The following ACAD9 variants were observed in gnomAD, a reference collection of about 807,000 sequenced individuals.
ACAD9 encodes acyl-CoA dehydrogenase family member 9, also known as complex I assembly factor ACAD9, mitochondrial.
ACAD9 carries 53 observed loss-of-function variants against 70.2 expected under a neutral mutation model. That is an observed-to-expected ratio of 0.75 (90% confidence interval 0.61 to 0.95). The LOEUF is 0.95. ACAD9 is among the 40% of genes least tolerant of loss of function. The probability of loss-of-function intolerance (pLI) is 0.00; values close to 1 mark genes in which losing one functional copy is unlikely to be tolerated. For missense variants in ACAD9, 777 were observed against 802.8 expected (o/e 0.97, Z 0.39); for synonymous variants, 313 against 312.1 (o/e 1.00, Z -0.03).
rs778698225 is a variant in ACAD9, at chr3:128,909,049, G to A, written c.1435G>A (p.Val479Met). The A allele has an allele frequency of 6.2e-6, 10 of 1,614,148 alleles. No individual in the cohort carries two copies. The highest frequency in any genetic ancestry group is 4.4e-5 in the South Asian group (4 of 91,092). Residue 479 changes from valine (V) to methionine (M), a missense_variant, in exon 14 of 18, where the codon GTG becomes ATG. Val to Met is a conservative substitution (Grantham distance 21, BLOSUM62 1). Coordinates refer to ENST00000308982, the MANE Select transcript of ACAD9 (RefSeq NM_014049.5). ...RRLRDSLGRTVDLGLTGNHGV... is the reference protein window; with the variant it reads ...RRLRDSLGRTMDLGLTGNHGV... ...GCTTCGGGACTCCCTGGGCCGAACT[G>A]TGGACCTGGGGCTGACAGGCAACCA...
Position 128,913,052 on chromosome 3 carries a change from T to C in ACAD9, c.*445T>C, listed in dbSNP as rs1391307277. ...TCATTTAAACTAGAAGCAGAGGCAC[T>C]TAAAACATGTACCAGGAACCATTTA... On this transcript the variant is annotated 3_prime_UTR_variant, in exon 18 of 18. Transcript: ENST00000308982. The C allele has an allele frequency of 4.4e-6, 2 of 455,634 alleles. No individual in the cohort carries two copies. The highest frequency in any genetic ancestry group is 4.0e-5 in the African/African-American group (2 of 50,076). The allele number at this position is 455,634 out of a possible 1,614,324, so 28.2% of individuals were successfully genotyped here. A position where few individuals can be genotyped will look rare whatever the true frequency, so the allele number is the denominator to read the frequency against.
intron 17 of ACAD9, among the ~76,000 whole-genome samples, chr3:128,911,880 AG>A (rs1936366874): frequency 6.6e-6 from 1 of 152,178 alleles, no homozygotes; most frequent in Non-Finnish European, 1.5e-5. Context: ...TGCCCTGCAG[AG>A]GTCTCAGGCC....
At chr3:128,909,956 G>A in intron 15 of ACAD9, 65 bp from the exon 16 acceptor site, 1 of 1,597,412 alleles carries the variant, frequency 6.3e-7, no homozygotes, top group Non-Finnish European at 8.5e-7. Context: ...ATGCAGCCCA[G>A]GGAGGGACCA....
Position 128,880,598 on chromosome 3 carries a change from C to CA in ACAD9, c.150+759dup. ...AGAGACGGGGTTTCACCATGTTGGC[C>CA]AAGCTGGTCTAGAACTGACCTCGGG... On this transcript the variant is annotated intron_variant, in intron 1 of 17. Coordinates refer to ENST00000308982, the MANE Select transcript of ACAD9 (RefSeq NM_014049.5). Among the ~76,000 whole-genome samples, 3 of 151,922 alleles carry CA rather than the reference C, an allele frequency of 2.0e-5. No homozygotes were observed. In the Middle Eastern group the frequency reaches 0.01, roughly 517 times the overall value.
At chr3:128,912,155 G>T (rs1234134937) in intron 17 of ACAD9, among the ~76,000 whole-genome samples, 3 of 152,308 alleles carry the variant, frequency 2.0e-5, no homozygotes, top group South Asian at 2.1e-4. Context: ...GGGTAGCCCA[G>T]ACACCCCCCC....
At chr3:128,909,663 A>T (rs1349214425) in intron 15 of ACAD9, 1 of 608,880 alleles carries the variant, frequency 1.6e-6, no homozygotes, top group African/African-American at 1.8e-5. Context: ...TTTCAGGTAG[A>T]GAGGCTCCCT....
At chr3:128,909,243 C>G in intron 14 of ACAD9, 101 bp from the exon 15 acceptor site, 4 of 1,596,950 alleles carry the variant, frequency 2.5e-6, no homozygotes, top group Non-Finnish European at 3.4e-6. Flanking sequence ...CCCTGGATTG[C>G]TTCCCCCAGA....
rs1935769149 is a variant in ACAD9 at position 128,902,479 on chromosome 3, C to G, written c.883-74C>G. 8 of 1,486,842 alleles carry G rather than the reference C, an allele frequency of 5.4e-6. No individual in the cohort carries two copies. The highest frequency in any genetic ancestry group is 3.4e-5 in the South Asian group (3 of 88,368). 92.1% of individuals were successfully genotyped at this position (1,486,842 alleles called of 1,614,324 possible). A position where few individuals can be genotyped will look rare whatever the true frequency, so the allele number is the denominator to read the frequency against. On this transcript the variant is annotated intron_variant, in intron 8 of 17. Transcript: ENST00000308982. This position sits in a 1 kb window ranked among gnomAD's most constrained non-coding sequence, Gnocchi z 4.0. The stretch of plus-strand genomic sequence containing the variant: ...CTTGAGGGAAGGCAAGCTGATCCAC[C>G]TGGCCTGGTTTCGTTGCGGCCTCCT...
chr3:128,906,329 G>A, intron 12 of ACAD9, 80 bp downstream of exon 12: 1 of 1,586,358 alleles, frequency 6.3e-7, no homozygotes, highest in Non-Finnish European at 8.5e-7. Flanking sequence ...GGGCCTCGCA[G>A]AGGCCCCCGC....
At chr3:128,894,519 C>A (rs1441642100) in intron 3 of ACAD9, among the ~76,000 whole-genome samples, 2 of 150,460 alleles carry the variant, frequency 1.3e-5, no homozygotes, top group African/African-American at 4.9e-5. Flanking sequence ...CTTTCTGAGG[C>A]ACAAGATTGC....
chr3:128,883,519 G>A (rs184008696), intron 1 of ACAD9, among the ~76,000 whole-genome samples: 23 of 152,090 alleles, frequency 1.5e-4, no homozygotes, highest in African/African-American at 4.1e-4. Flanking sequence ...TACCAAGCCC[G>A]TGTAATTTTT....
chr3:128,896,648 A>T, intron 5 of ACAD9, 112 bp downstream of exon 5: 1 of 1,057,144 alleles, frequency 9.5e-7, no homozygotes, highest in Non-Finnish European at 1.4e-6. Flanking sequence ...TCTTTCCAAA[A>T]TCTTGCAAAG....
chr3:128,908,741 G>A (rs1156451909), intron 13 of ACAD9: 3 of 617,352 alleles, frequency 4.9e-6, no homozygotes, highest in Admixed American at 2.8e-5. Context: ...CAGCTGCTGG[G>A]AAGCTGGCTG....
intron 2 of ACAD9, among the ~76,000 whole-genome samples, chr3:128,886,910 A>G (rs1362713602): frequency 1.4e-5 from 2 of 147,512 alleles, no homozygotes; most frequent in Non-Finnish European, 3.0e-5. Context: ...GTCTTTTTTT[A>G]TAATCTTCAG....
At chr3:128,897,569 C>T (rs1219284876) in intron 5 of ACAD9, 63 bp from the exon 6 acceptor site, 13 of 1,497,462 alleles carry the variant, frequency 8.7e-6, no homozygotes, top group Non-Finnish European at 1.1e-5. Context: ...ATTTTCAGGC[C>T]CTCAAAAGCA....
At chr3:128,903,310 C>T (rs1362626020) in intron 9 of ACAD9, among the ~76,000 whole-genome samples, 1 of 152,192 alleles carries the variant, frequency 6.6e-6, no homozygotes, top group African/African-American at 2.4e-5. Flanking sequence ...GATGAGAAGA[C>T]AGAGACTCAG....
intron 6 of ACAD9, 36 bp downstream of exon 6, chr3:128,897,746 A>C: frequency 4.4e-6 from 7 of 1,586,774 alleles, no homozygotes; most frequent in Non-Finnish European, 6.0e-6. Flanking sequence ...TTAGGGTCTC[A>C]GTCACAACCT....
intron 10 of ACAD9, 123 bp downstream of exon 10, chr3:128,904,255 T>A (rs1459050692): frequency 1.3e-6 from 2 of 1,587,680 alleles, no homozygotes; most frequent in East Asian, 4.5e-5. Flanking sequence ...TAAGGCTTTA[T>A]TTGACACGGG....
At chr3:128,884,977 TC>T (rs545263905) in intron 2 of ACAD9, among the ~76,000 whole-genome samples, 61 of 152,302 alleles carry the variant, frequency 4.0e-4, no homozygotes, top group Admixed American at 6.5e-4. Flanking sequence ...TCCATACTGT[TC>T]CAGGTCAACA....
Sources: gnomAD v4.1 joint callset for allele counts (sites outside exome capture counted in the v4.1 genomes callset) on GRCh38, gnomAD v4.1.1 for gene constraint, Gnocchi (gnomAD v3.1) non-coding constraint, MANE v1.5 for transcripts, NCBI Gene and HGNC (gene_info 2026-07-23, HGNC 2026-07-21) for gene names.